The following VAV3 variants were observed in gnomAD, a reference collection of about 807,000 sequenced individuals.
VAV3 encodes guanine nucleotide exchange factor VAV3.
Under a neutral mutation model 131.2 loss-of-function variants are expected in VAV3, and 94 were observed. That is an observed-to-expected ratio of 0.72 (90% CI 0.61 to 0.85). The LOEUF is 0.85. Among genes scored for constraint, VAV3 ranks in the 40% least tolerant of loss-of-function variants. VAV3 has a pLI of 0.00. For synonymous variants in VAV3, 349 were observed against 342.0 expected (o/e 1.02, Z -0.22); for missense variants, 939 against 1,002.7 (o/e 0.94, Z 0.86).
chr1:107,608,906 T>C (rs573418486), intron 22 of VAV3, among the ~76,000 whole-genome samples: 6 of 152,346 alleles, frequency 3.9e-5, no homozygotes, highest in Admixed American at 1.3e-4. Flanking sequence ...TTAATACCAA[T>C]AAATTAAAAA....
rs977969612 is a variant in VAV3, at chr1:107,965,171, G to C, written c.-302C>G. 6.7e-6 allele frequency: 1 copy of C among 150,072 alleles called. No homozygotes were observed. Among genetic ancestry groups the C allele is most frequent in the African/African-American group, 2.4e-5 (1 of 41,220 alleles). The allele number at this position is 150,072 out of a possible 1,614,324, so 9.3% of individuals were successfully genotyped here. ...CACAGGCTTCCGACTCCAGCGCCCG[G>C]CCCGCCACTGAGCATGCCCAGCACG... On this transcript the variant is annotated 5_prime_UTR_variant, in exon 1 of 27. Transcript: ENST00000370056.
chr1:107,696,985 TTGAGAAGC>T (rs1339922909), intron 17 of VAV3, among the ~76,000 whole-genome samples: 1 of 152,206 alleles, frequency 6.6e-6, no homozygotes, highest in African/African-American at 2.4e-5. Context: ...AATGTTGAGC[TTGAGAAGC>T]TGAGAAGCAG....
At chr1:107,919,141 T>C (rs1159543174) in intron 1 of VAV3, among the ~76,000 whole-genome samples, 2 of 152,244 alleles carry the variant, frequency 1.3e-5, no homozygotes, top group Non-Finnish European at 2.9e-5. Flanking sequence ...TCAATAGTTA[T>C]TCTAAAAACA....
intron 1 of VAV3, among the ~76,000 whole-genome samples, chr1:107,900,619 A>C (rs544354992): frequency 6.6e-6 from 1 of 152,336 alleles, no homozygotes; most frequent in South Asian, 2.1e-4. Flanking sequence ...CAGAGGGATC[A>C]CTGCCTGTAA....
intron 19 of VAV3, among the ~76,000 whole-genome samples, chr1:107,673,138 A>C (rs2494049): frequency 0.64 from 96,586 of 152,012 alleles, 31,578 homozygotes; most frequent in African/African-American, 0.79. Context: ...AATGTTCAAC[A>C]ATAAATTATA....
intron 1 of VAV3, among the ~76,000 whole-genome samples, chr1:107,898,932 G>A (rs1479103129): frequency 6.6e-6 from 1 of 152,106 alleles, no homozygotes; most frequent in South Asian, 2.1e-4. Context: ...GATACACTCA[G>A]TCCATTTGTC....
intron 2 of VAV3, among the ~76,000 whole-genome samples, chr1:107,819,465 G>A (rs1363381664): frequency 1.2e-4 from 18 of 149,180 alleles, no homozygotes; most frequent in South Asian, 4.2e-4. Context: ...CTTGGGCCAG[G>A]AGTTCAAGAC....
chr1:107,634,824 A>G (rs527675908), intron 20 of VAV3, among the ~76,000 whole-genome samples: 65 of 152,232 alleles, frequency 4.3e-4, no homozygotes, highest in African/African-American at 1.5e-3. Context: ...ATATGAACAG[A>G]CACTTCTCAA....
At chr1:107,699,302 C>A (rs897240753) in intron 17 of VAV3, among the ~76,000 whole-genome samples, 3 of 152,256 alleles carry the variant, frequency 2.0e-5, no homozygotes, top group Non-Finnish European at 2.9e-5. Context: ...AGGCCCCATG[C>A]AAGTCTGAAA....
intron 7 of VAV3, among the ~76,000 whole-genome samples, chr1:107,766,858 G>T (rs1664761885): frequency 6.6e-6 from 1 of 151,846 alleles, no homozygotes; most frequent in Non-Finnish European, 1.5e-5. Flanking sequence ...AAGGAGACAG[G>T]CCATGCAGAT....
rs547608617 is a variant in VAV3, at chr1:107,580,349, T to C, written c.2351-6151A>G. Among the ~76,000 whole-genome samples, 305 of 152,222 alleles carry C rather than the reference T, an allele frequency of 2.0e-3. 2 individuals are homozygous for C. The highest frequency in any genetic ancestry group is 3.5e-3 in the Non-Finnish European group (240 of 68,014). ...AAAACACCAAGCAAAGAAAGCGAAA[T>C]ATATTCGGGTTCTATTCCGCAGGCT... On this transcript the variant is annotated intron_variant, in intron 25 of 26. Transcript: ENST00000370056.
intron 13 of VAV3, among the ~76,000 whole-genome samples, 176 bp downstream of exon 13, chr1:107,750,941 G>C (rs1211095940): frequency 3.9e-5 from 6 of 152,102 alleles, no homozygotes; most frequent in Non-Finnish European, 8.8e-5. Context: ...CCAGAACCCA[G>C]GTGGGAATAC....
chr1:107,778,507 A>G (rs931442840), intron 3 of VAV3, among the ~76,000 whole-genome samples: 1 of 152,216 alleles, frequency 6.6e-6, no homozygotes, highest in Non-Finnish European at 1.5e-5. Context: ...CCGACAGACC[A>G]TATACATAGA....
At chr1:107,827,650 C>T (rs1668073151) in intron 2 of VAV3, among the ~76,000 whole-genome samples, 1 of 152,150 alleles carries the variant, frequency 6.6e-6, no homozygotes, top group Non-Finnish European at 1.5e-5. Context: ...AAAGCTATTA[C>T]CAACAAATAG....
chr1:107,582,720 T>C (rs1650159786), intron 25 of VAV3, among the ~76,000 whole-genome samples: 1 of 152,078 alleles, frequency 6.6e-6, no homozygotes, highest in African/African-American at 2.4e-5. Flanking sequence ...ATTTCATCCA[T>C]GTCCCTACAA....
At chr1:107,803,438 TA>T (rs1382934878) in intron 2 of VAV3, among the ~76,000 whole-genome samples, 3 of 152,098 alleles carry the variant, frequency 2.0e-5, no homozygotes, top group Non-Finnish European at 2.9e-5. Flanking sequence ...CAGATTTTGG[TA>T]TGTCATATTT....
At chr1:107,652,741 C>T (rs1375938928) in intron 19 of VAV3, among the ~76,000 whole-genome samples, 2 of 152,094 alleles carry the variant, frequency 1.3e-5, no homozygotes, top group African/African-American at 4.8e-5. Flanking sequence ...CAAACTGCCA[C>T]TTGATCATTA....
intron 2 of VAV3, among the ~76,000 whole-genome samples, chr1:107,833,737 A>G (rs1233460344): frequency 1.3e-5 from 2 of 152,308 alleles, no homozygotes; most frequent in East Asian, 3.9e-4. Flanking sequence ...CCACCAAGCA[A>G]TAGTGAAATG....
intron 20 of VAV3, among the ~76,000 whole-genome samples, chr1:107,635,082 A>G (rs1654812485): frequency 6.6e-6 from 1 of 152,084 alleles, no homozygotes; most frequent in African/African-American, 2.4e-5. Context: ...GGGATCTAGA[A>G]CTAGAAATAC....
Sources: allele counts gnomAD v4.1 joint callset (sites outside exome capture counted in the v4.1 genomes callset), GRCh38; gene constraint gnomAD v4.1.1; transcripts MANE v1.5; gene names NCBI Gene and HGNC (gene_info 2026-07-23, HGNC 2026-07-21).